The following CFAP210 variants were observed in gnomAD, a reference collection of about 807,000 sequenced individuals.
CFAP210 encodes the protein cilia- and flagella- associated protein 210.
the CFAP210 span, among the ~76,000 whole-genome samples, chr2:169,678,507 C>T: frequency 1.3e-5 from 2 of 151,834 alleles, no homozygotes; most frequent in Admixed American, 6.6e-5. Context: ...CTGGCTTTTT[C>T]GCATGAATTG....
At chr2:169,686,057 G>A in the CFAP210 span, among the ~76,000 whole-genome samples, 14 of 152,134 alleles carry the variant, frequency 9.2e-5, no homozygotes, top group South Asian at 1.0e-3. Context: ...GCCCTGGCTG[G>A]AGTGCAGTGG....
the CFAP210 span, among the ~76,000 whole-genome samples, chr2:169,677,927 G>T: frequency 1.3e-5 from 2 of 152,240 alleles, no homozygotes; most frequent in African/African-American, 4.8e-5. Flanking sequence ...AACAATAGCA[G>T]ATTGAAACTT....
At chr2:169,649,373 TATAA>T in the CFAP210 span, 1 of 1,591,852 alleles carries the variant, frequency 6.3e-7, no homozygotes, top group East Asian at 2.2e-5. Context: ...AAAGGAAACA[TATAA>T]AACCAGTTAT....
the CFAP210 span, among the ~76,000 whole-genome samples, chr2:169,667,734 G>C: frequency 6.6e-6 from 1 of 152,074 alleles, no homozygotes; most frequent in Non-Finnish European, 1.5e-5. Context: ...ATTTTGAAAG[G>C]AATATTTTTT....
At chr2:169,693,714 T>C in the CFAP210 span, among the ~76,000 whole-genome samples, 3 of 151,344 alleles carry the variant, frequency 2.0e-5, no homozygotes, top group South Asian at 4.2e-4. Context: ...TGTCACACGA[T>C]TTTTTTTTAA....
chr2:169,687,292 G>A, the CFAP210 span, among the ~76,000 whole-genome samples: 1 of 152,026 alleles, frequency 6.6e-6, no homozygotes, highest in Non-Finnish European at 1.5e-5. Flanking sequence ...GTCCCCCAAA[G>A]TCTTAACTCA....
the CFAP210 span, chr2:169,646,140 A>T: frequency 6.2e-7 from 1 of 1,613,254 alleles, no homozygotes; most frequent in Non-Finnish European, 8.5e-7. Flanking sequence ...CAATAATCTA[A>T]TTCTGCTTGT....
the CFAP210 span, among the ~76,000 whole-genome samples, chr2:169,688,553 G>C: frequency 2.6e-5 from 4 of 152,162 alleles, no homozygotes; most frequent in African/African-American, 9.7e-5. Context: ...TCTTCTGCGA[G>C]GTACCCTAAA....
At chr2:169,670,784 T>A in the CFAP210 span, among the ~76,000 whole-genome samples, 1 of 152,194 alleles carries the variant, frequency 6.6e-6, no homozygotes, top group Non-Finnish European at 1.5e-5. Context: ...CCACATTGCC[T>A]TTAGTATCCT....
the CFAP210 span, among the ~76,000 whole-genome samples, chr2:169,683,861 C>T: frequency 1.3e-5 from 2 of 151,920 alleles, no homozygotes; most frequent in African/African-American, 4.8e-5. Context: ...AGTTGGGTAA[C>T]CACAAAGAAA....
the CFAP210 span, among the ~76,000 whole-genome samples, chr2:169,659,581 G>A: frequency 8.5e-5 from 13 of 152,242 alleles, no homozygotes; most frequent in East Asian, 1.9e-4. Context: ...AACCACCCCC[G>A]ATGATCTAAT....
At chr2:169,662,314 C>G in the CFAP210 span, 1 of 1,603,644 alleles carries the variant, frequency 6.2e-7, no homozygotes, top group East Asian at 2.2e-5. Flanking sequence ...CATCTCTTCT[C>G]TTTTCTTTTC....
chr2:169,662,204 A>T, the CFAP210 span: 1 of 1,455,184 alleles, frequency 6.9e-7, no homozygotes, highest in Non-Finnish European at 9.4e-7. Flanking sequence ...AACATGTACA[A>T]ATATATTATG....
the CFAP210 span, chr2:169,660,880 G>T: frequency 5.6e-6 from 2 of 356,222 alleles, no homozygotes; most frequent in Non-Finnish European, 5.4e-6. Flanking sequence ...TAGGATTATA[G>T]GCATGAGCCA....
At chr2:169,658,800 T>C in the CFAP210 span, 1 of 283,420 alleles carries the variant, frequency 3.5e-6, no homozygotes, top group East Asian at 1.1e-4. Context: ...ATTTAGAAGA[T>C]ATTTTACACT....
At chr2:169,650,312 A>C in the CFAP210 span, 1 of 1,536,524 alleles carries the variant, frequency 6.5e-7, no homozygotes, top group Non-Finnish European at 8.7e-7. Flanking sequence ...TTTTATTTTC[A>C]TAATTGAATT....
At chr2:169,646,974 A>G in the CFAP210 span, among the ~76,000 whole-genome samples, 5 of 152,152 alleles carry the variant, frequency 3.3e-5, no homozygotes, top group African/African-American at 7.2e-5. Context: ...ATATTTCTCA[A>G]AATCCAAAAT....
At chr2:169,692,679 A>C in the CFAP210 span, among the ~76,000 whole-genome samples, 1 of 152,206 alleles carries the variant, frequency 6.6e-6, no homozygotes, top group Non-Finnish European at 1.5e-5. Context: ...TGTGATATTT[A>C]AAATTGCCAC....
chr2:169,687,974 C>T, the CFAP210 span, among the ~76,000 whole-genome samples: 2 of 152,232 alleles, frequency 1.3e-5, no homozygotes, highest in African/African-American at 4.8e-5. Flanking sequence ...ACAGGCTCAA[C>T]ACCATGTGGA....
Sources: gnomAD v4.1 joint callset for allele counts (sites outside exome capture counted in the v4.1 genomes callset) on GRCh38, gnomAD v4.1.1 for gene constraint, MANE v1.5 for transcripts, NCBI Gene and HGNC (gene_info 2026-07-23, HGNC 2026-07-21) for gene names.